The following FAM120B variants were observed in gnomAD, a reference collection of about 807,000 sequenced individuals.
FAM120B encodes family with sequence similarity 120 member B.
Under a neutral mutation model 96.3 loss-of-function variants are expected in FAM120B, and 83 were observed. That is an observed-to-expected ratio of 0.86 (90% confidence interval 0.72 to 1.03). FAM120B has a LOEUF of 1.03. FAM120B is among the 50% of genes least tolerant of loss of function. The probability of loss-of-function intolerance (pLI) is 0.00; values close to 1 mark genes in which losing one functional copy is unlikely to be tolerated. For missense variants in FAM120B, 1,027 were observed against 1,121.2 expected (o/e 0.92, Z 1.20); for synonymous variants, 407 against 402.7 (o/e 1.01, Z -0.13).
upstream of FAM120B, chr6:170,290,799 C>A (rs1461991929): frequency 1.7e-6 from 1 of 576,532 alleles, no homozygotes; most frequent in East Asian, 3.0e-5. This position sits in a 1 kb window ranked among gnomAD's most constrained non-coding sequence, Gnocchi z 4.7. Flanking sequence ...CCAGCCAATG[C>A]CATCCAGTAC....
At chr6:170,301,833 C>T (rs984085403), upstream of FAM120B, among the ~76,000 whole-genome samples, 3 of 152,230 alleles carry the variant, frequency 2.0e-5, no homozygotes, top group Admixed American at 2.0e-4. Flanking sequence ...TCACTAACAG[C>T]ATTTTGGTCA....
At position 170,317,357 on chromosome 6, in the gene FAM120B, T is replaced by A. The variant is rs1004828460; in HGVS notation, c.-21-13T>A. ...AATGCCATAATTACTGATTAATTTA[T>A]CTTTCTTTCCAGATCCTTTCCCGGA... is the stretch of plus-strand genomic sequence containing the variant. On this transcript the variant is annotated splice_polypyrimidine_tract_variant and intron_variant, in intron 1 of 10. Transcript: ENST00000476287. 2.5e-6 allele frequency: 4 copies of A among 1,582,070 alleles called. No individual in the cohort carries two copies. The African/African-American group carries it at 5.4e-5, about 21-fold the overall frequency.
chr6:170,388,422 G>A lies in FAM120B; in HGVS notation c.2419G>A (p.Gly807Arg), dbSNP rs778794545. 5.6e-6 allele frequency: 9 copies of A among 1,614,000 alleles called. No individual in the cohort carries two copies. Among genetic ancestry groups the A allele is most frequent in the Admixed American group, 1.7e-5 (1 of 59,994 alleles). ...TTTCATGCCCTGGAATGTATTTGAC[G>A]GGAAGCTTTTTCATCAGAAGTACTT... ...SDFMPWNVFD[G>R]KLFHQKYLQS... The change falls in exon 7 of 11, where the codon GGG (glycine) becomes AGG (arginine). Residue 807 changes from glycine to arginine, a missense_variant. Coordinates refer to ENST00000476287, the MANE Select transcript of FAM120B (RefSeq NM_032448.3).
intron 4 of FAM120B, among the ~76,000 whole-genome samples, chr6:170,341,868 C>T (rs568026284): frequency 1.3e-5 from 2 of 152,348 alleles, no homozygotes; most frequent in Admixed American, 1.3e-4. Flanking sequence ...ATGCAGAAAT[C>T]ACCAGCCTTC....
chr6:170,327,495 A>G (rs1004421891), intron 3 of FAM120B, among the ~76,000 whole-genome samples: 6 of 152,244 alleles, frequency 3.9e-5, no homozygotes, highest in Admixed American at 1.3e-4. Flanking sequence ...TAGTTTGCCA[A>G]TTTCCACTTT....
rs1200921307 is a variant in FAM120B at position 170,404,886 on chromosome 6, A to G, written c.*135A>G. On this transcript the variant is annotated 3_prime_UTR_variant, in exon 11 of 11. Transcript: ENST00000476287. ...CAGGCCTCGCTTGCATGAAGAAGGAACGATGCCTTTTTCAATGGTGTCTCC... is the reference window on the plus strand; with the variant it reads ...CAGGCCTCGCTTGCATGAAGAAGGAGCGATGCCTTTTTCAATGGTGTCTCC... The G allele has an allele frequency of 7.3e-6, 3 of 413,648 alleles. No individual in the cohort carries two copies. Among genetic ancestry groups the G allele is most frequent in the African/African-American group, 6.1e-5 (3 of 49,194 alleles). 25.6% of individuals were successfully genotyped at this position (413,648 alleles called of 1,614,324 possible). A position where few individuals can be genotyped will look rare whatever the true frequency, so the allele number is the denominator to read the frequency against.
intron 6 of FAM120B, among the ~76,000 whole-genome samples, chr6:170,383,453 A>G (rs1226101548): frequency 6.6e-6 from 1 of 152,252 alleles, no homozygotes; most frequent in African/African-American, 2.4e-5. Context: ...AGAATCTCAG[A>G]ACTCAACATT....
At chr6:170,366,217 G>T (rs1391158900) in intron 6 of FAM120B, among the ~76,000 whole-genome samples, 1 of 152,196 alleles carries the variant, frequency 6.6e-6, no homozygotes, top group African/African-American at 2.4e-5. Flanking sequence ...CTGCCTGAAA[G>T]CTGAAAGGGA....
At chr6:170,353,535 CA>C (rs1022195233) in intron 5 of FAM120B, among the ~76,000 whole-genome samples, 1 of 152,068 alleles carries the variant, frequency 6.6e-6, no homozygotes, top group Admixed American at 6.6e-5. Context: ...AGCAGCAGAT[CA>C]AAAAGCTTAT....
intron 4 of FAM120B, among the ~76,000 whole-genome samples, chr6:170,335,897 G>A (rs953978588): frequency 2.0e-5 from 3 of 152,046 alleles, no homozygotes; most frequent in African/African-American, 7.2e-5. Context: ...ACTTTTTGAT[G>A]GGGTTGTTTT....
At chr6:170,364,008 C>T (rs777255439) in intron 6 of FAM120B, among the ~76,000 whole-genome samples, 4 of 152,146 alleles carry the variant, frequency 2.6e-5, no homozygotes, top group Admixed American at 2.0e-4. Context: ...GCTGGGATTA[C>T]AGTCATGAGC....
intron 5 of FAM120B, among the ~76,000 whole-genome samples, chr6:170,352,950 A>T (rs956431550): frequency 1.3e-5 from 2 of 152,064 alleles, no homozygotes; most frequent in Non-Finnish European, 2.9e-5. Context: ...TGAATCCAGG[A>T]GCTGTTTTTT....
At chr6:170,343,232 A>G (rs1189147714) in intron 4 of FAM120B, among the ~76,000 whole-genome samples, 1 of 152,228 alleles carries the variant, frequency 6.6e-6, no homozygotes, top group Non-Finnish European at 1.5e-5. Context: ...GGAGGAGCTA[A>G]CATTTTACCG....
At chr6:170,388,914 T>G (rs1790338945) in intron 7 of FAM120B, among the ~76,000 whole-genome samples, 1 of 152,204 alleles carries the variant, frequency 6.6e-6, no homozygotes, top group African/African-American at 2.4e-5. Context: ...AACACATCAT[T>G]TGTATTATAT....
intron 6 of FAM120B, 62 bp from the exon 7 acceptor site, chr6:170,388,225 A>G: frequency 7.0e-7 from 1 of 1,428,340 alleles, no homozygotes; most frequent in Non-Finnish European, 9.8e-7. Flanking sequence ...CAGAGCTGAG[A>G]TCTGTTTCCT....
In FAM120B at chr6:170,395,508, C is replaced by T; in HGVS notation, c.2621C>T (p.Ser874Phe). ...ACAGGGAGGTGGGGAAGACAGGGCT[C>T]CAGCTACCACAGGACGGGCTCTGGG... ...HHAGRWGRQG[S>F]SYHRTGSGYS... Residue 874 changes from serine (S) to phenylalanine (F), a missense_variant, in exon 9 of 11, where the codon TCC becomes TTC. Ser to Phe is a radical substitution (Grantham distance 155). This residue lies in a region of FAM120B where 142 missense variants were observed against 122.5 expected (regional missense o/e 1.16). Transcript: ENST00000476287. 3.8e-6 allele frequency: 6 copies of T among 1,597,614 alleles called. No individual in the cohort carries two copies. Among genetic ancestry groups the T allele is most frequent in the Non-Finnish European group, 5.1e-6 (6 of 1,172,226 alleles).
intron 9 of FAM120B, among the ~76,000 whole-genome samples, chr6:170,398,351 G>C (rs548107136): frequency 6.6e-6 from 1 of 152,372 alleles, no homozygotes; most frequent in Non-Finnish European, 1.5e-5. Context: ...TCTTAGGAGT[G>C]AGTGGGAAAG....
chr6:170,340,206 C>G (rs370396578), intron 4 of FAM120B, among the ~76,000 whole-genome samples: 35 of 152,266 alleles, frequency 2.3e-4, no homozygotes, highest in African/African-American at 8.2e-4. Flanking sequence ...TCTTTTTTCT[C>G]TAATCTTGTC....
intron 1 of FAM120B, among the ~76,000 whole-genome samples, chr6:170,297,619 C>T (rs950580913): frequency 2.1e-5 from 3 of 143,974 alleles, no homozygotes; most frequent in African/African-American, 7.5e-5. Flanking sequence ...CCACCTGTTG[C>T]CGGCTGCACT....
Sources: gnomAD v4.1 joint callset for allele counts (sites outside exome capture counted in the v4.1 genomes callset) on GRCh38, gnomAD v4.1.1 for gene constraint, gnomAD v4.1.1 regional missense constraint, Gnocchi (gnomAD v3.1) non-coding constraint, MANE v1.5 for transcripts, NCBI Gene and HGNC (gene_info 2026-07-23, HGNC 2026-07-21) for gene names.